MYZAP: variants seen among roughly 807,000 people sequenced by gnomAD.
MYZAP encodes myocardial zonula adherens protein.
In MYZAP, 66 loss-of-function variants were observed where a neutral mutation model predicts 69.4. The observed-to-expected ratio is 0.95, with a 90% confidence interval of 0.78 to 1.17. The LOEUF (loss-of-function observed/expected upper bound fraction) is 1.17. Among genes scored for constraint, MYZAP ranks in the 50% most tolerant of loss-of-function variants. The pLI, the probability that MYZAP is intolerant of heterozygous loss-of-function variation, is 0.00. For synonymous variants in MYZAP, 256 were observed against 205.9 expected, an observed-to-expected ratio of 1.24 and a Z score of -2.09; for missense variants, 611 against 556.2, an observed-to-expected ratio of 1.10 and a Z score of -0.99.
chr15:57,638,275 C>G lies in MYZAP; in HGVS notation c.1013+501C>G, dbSNP rs570677269. Among the ~76,000 whole-genome samples the G allele has an allele frequency of 3.3e-5, 5 of 152,218 alleles. No homozygotes were observed. In the South Asian group the frequency reaches 8.3e-4, roughly 25 times the overall value. ...AAATGCAGAGAGGCCATTCAGGGGT[C>G]TCTAGTGAAGGAAAACAAGGTTGAG... On this transcript the variant is annotated intron_variant, in intron 9 of 12. Coordinates refer to ENST00000267853, the MANE Select transcript of MYZAP (RefSeq NM_001018100.5).
At chr15:57,680,499 A>G (rs1404324180) in intron 12 of MYZAP, among the ~76,000 whole-genome samples, 1 of 150,248 alleles carries the variant, frequency 6.7e-6, no homozygotes, top group African/African-American at 2.5e-5. Context: ...ACACACACAC[A>G]CACACACACA....
intron 1 of MYZAP, among the ~76,000 whole-genome samples, chr15:57,596,757 A>G (rs1051123538): frequency 1.3e-5 from 2 of 152,006 alleles, no homozygotes; most frequent in South Asian, 2.1e-4. Flanking sequence ...GATATTCCAA[A>G]TCGTTTGCCA....
chr15:57,645,477 T>A (rs757209275), intron 10 of MYZAP, among the ~76,000 whole-genome samples: 4 of 152,230 alleles, frequency 2.6e-5, no homozygotes, highest in Non-Finnish European at 4.4e-5. Flanking sequence ...GACTTTAGCA[T>A]CAGACAAACC....
chr15:57,608,697 A>G (rs2034915909), intron 2 of MYZAP, among the ~76,000 whole-genome samples: 1 of 152,222 alleles, frequency 6.6e-6, no homozygotes, highest in Non-Finnish European at 1.5e-5. Context: ...TTAAAGAGGT[A>G]ATGACTAAAC....
At chr15:57,632,334 C>T in intron 6 of MYZAP, 100 bp from the exon 7 acceptor site, 4 of 1,563,728 alleles carry the variant, frequency 2.6e-6, no homozygotes, top group Non-Finnish European at 3.5e-6. Context: ...AGTGGATGGG[C>T]TCACTACCTC....
At chr15:57,665,726 G>C (rs1292213627) in intron 11 of MYZAP, among the ~76,000 whole-genome samples, 1 of 152,136 alleles carries the variant, frequency 6.6e-6, no homozygotes, top group Non-Finnish European at 1.5e-5. Flanking sequence ...TCTCCATTTG[G>C]GGATGTCATG....
At chr15:57,610,413 G>C (rs1343502445) in intron 2 of MYZAP, among the ~76,000 whole-genome samples, 2 of 152,208 alleles carry the variant, frequency 1.3e-5, no homozygotes, top group Non-Finnish European at 2.9e-5. Flanking sequence ...AAGTGAGCGA[G>C]TGTGCTGCCA....
chr15:57,617,485 A>G (rs1006281913), intron 2 of MYZAP, among the ~76,000 whole-genome samples: 1 of 152,038 alleles, frequency 6.6e-6, no homozygotes, highest in Non-Finnish European at 1.5e-5. Context: ...AAGTCACACC[A>G]CCTCTTCCTG....
At position 57,639,371 on chromosome 15, in the gene MYZAP, G is replaced by A. The variant is rs969973545; in HGVS notation, c.1014-69G>A. ...GCTCTTGGCAATATTCTTTAAAGCTGTGACTGTTGCTACTGCTGTTGCTGC... is the reference window on the plus strand; with the variant it reads ...GCTCTTGGCAATATTCTTTAAAGCTATGACTGTTGCTACTGCTGTTGCTGC... On this transcript the variant is annotated intron_variant, in intron 9 of 12. Coordinates refer to ENST00000267853, the MANE Select transcript of MYZAP (RefSeq NM_001018100.5). 6.6e-6 allele frequency: 10 copies of A among 1,522,998 alleles called. No homozygotes were observed. The South Asian group carries it at 1.1e-4, about 16-fold the overall frequency. 94.3% of individuals were successfully genotyped at this position (1,522,998 alleles called of 1,614,324 possible).
chr15:57,630,373 C>G (rs2036431890), intron 6 of MYZAP, among the ~76,000 whole-genome samples: 1 of 152,200 alleles, frequency 6.6e-6, no homozygotes, highest in Non-Finnish European at 1.5e-5. Flanking sequence ...TGTTATGTAA[C>G]TGAGAAGACG....
chr15:57,596,618 C>T (rs1159046078), intron 1 of MYZAP, among the ~76,000 whole-genome samples: 1 of 152,164 alleles, frequency 6.6e-6, no homozygotes, highest in East Asian at 1.9e-4. Context: ...ATCTAGTCTC[C>T]TGACTCGTCT....
Position 57,625,806 on chromosome 15 carries a change from G to C in MYZAP, c.439G>C (p.Glu147Gln), listed in dbSNP as rs2036096722. ...TTCCCATGCTCAGCAGGAGTATCTGGAGAATCACATCCAAACCCAGTCGTC... is the reference window on the plus strand; with the variant it reads ...TTCCCATGCTCAGCAGGAGTATCTGCAGAATCACATCCAAACCCAGTCGTC... The part of the protein sequence containing the change: ...SVSHAQQEYL[E>Q]NHIQTQSSAL... Residue 147 changes from glutamate (E) to glutamine (Q), a missense_variant, in exon 5 of 13, where the codon GAG becomes CAG. Coordinates refer to ENST00000267853, the MANE Select transcript of MYZAP (RefSeq NM_001018100.5). The C allele has an allele frequency of 6.2e-7, 1 of 1,614,168 alleles. No individual in the cohort carries two copies. Among genetic ancestry groups the C allele is most frequent in the African/African-American group, 1.3e-5 (1 of 75,024 alleles).
chr15:57,621,033 T>C (rs747087229), intron 3 of MYZAP, among the ~76,000 whole-genome samples: 68 of 148,122 alleles, frequency 4.6e-4, no homozygotes, highest in Non-Finnish European at 8.9e-4. Context: ...TATTAATATA[T>C]GCCTATATAT....
intron 1 of MYZAP, chr15:57,599,622 C>A: frequency 7.8e-7 from 1 of 1,289,196 alleles, no homozygotes; most frequent in Middle Eastern, 2.1e-4. Flanking sequence ...CTTTCAGGCA[C>A]TGCCAAGCCT....
At chr15:57,616,846 T>TTG (rs1555457451) in intron 2 of MYZAP, among the ~76,000 whole-genome samples, 1 of 140,270 alleles carries the variant, frequency 7.1e-6, no homozygotes, top group East Asian at 2.1e-4. Context: ...TTTTTTTTTT[T>TTG]TGTGAATACA....
chr15:57,629,088 C>CAAAAAAAAA (rs1274144448), intron 5 of MYZAP, among the ~76,000 whole-genome samples: 11 of 115,072 alleles, frequency 9.6e-5, no homozygotes, highest in Non-Finnish European at 1.2e-4. Flanking sequence ...GTCTCAAAAA[C>CAAAAAAAAA]AAAAAAAAAA....
Position 57,685,165 on chromosome 15 carries a change from T to C in MYZAP, c.*667T>C, listed in dbSNP as rs2039632904. The C allele has an allele frequency of 6.6e-6, 1 of 152,112 alleles. No homozygotes were observed. Among genetic ancestry groups the C allele is most frequent in the African/African-American group, 2.4e-5 (1 of 41,352 alleles). The allele number at this position is 152,112 out of a possible 1,614,324, so 9.4% of individuals were successfully genotyped here. On this transcript the variant is annotated 3_prime_UTR_variant, in exon 13 of 13. Coordinates refer to ENST00000267853, the MANE Select transcript of MYZAP (RefSeq NM_001018100.5). ...GGACCAGCTGAAATCACTGTATTTA[T>C]TCAACTAGTGATTTTTTTTTCTTTC...
intron 12 of MYZAP, among the ~76,000 whole-genome samples, chr15:57,682,983 G>A (rs2039517493): frequency 6.6e-6 from 1 of 152,144 alleles, no homozygotes; most frequent in Non-Finnish European, 1.5e-5. Flanking sequence ...TGCTCATTTT[G>A]TTCAGGTCAT....
chr15:57,599,112 T>A (rs2034247808), intron 1 of MYZAP, among the ~76,000 whole-genome samples: 1 of 152,170 alleles, frequency 6.6e-6, no homozygotes, highest in South Asian at 2.1e-4. Context: ...CCTAAGAGGG[T>A]ATAGTATTGT....
Sources: allele counts gnomAD v4.1 joint callset (sites outside exome capture counted in the v4.1 genomes callset), GRCh38; gene constraint gnomAD v4.1.1; transcripts MANE v1.5; gene names NCBI Gene and HGNC (gene_info 2026-07-23, HGNC 2026-07-21).